The following RUNDC3B variants were observed in gnomAD, a reference collection of about 807,000 sequenced individuals.
RUNDC3B encodes RUN domain-containing protein 3B.
Under a neutral mutation model 58.4 loss-of-function variants are expected in RUNDC3B, and 33 were observed. That is an observed-to-expected ratio of 0.56 (90% CI 0.43 to 0.75). RUNDC3B has a LOEUF of 0.75. Ranked by LOEUF, RUNDC3B falls within the 30% of genes least tolerant of loss-of-function variation. The probability of loss-of-function intolerance (pLI) is 0.00; values close to 1 mark genes in which losing one functional copy is unlikely to be tolerated. For missense variants in RUNDC3B, 501 were observed against 535.7 expected, an observed-to-expected ratio of 0.94 and a Z score of 0.64; for synonymous variants, 193 against 195.2, an observed-to-expected ratio of 0.99 and a Z score of 0.10.
intron 4 of RUNDC3B, among the ~76,000 whole-genome samples, chr7:87,730,586 G>T (rs1831519180): frequency 6.6e-6 from 1 of 151,984 alleles, no homozygotes; most frequent in African/African-American, 2.4e-5. Context: ...CTTTCACGAG[G>T]TTCTGTCTAT....
At chr7:87,685,390 C>T (rs1247576970) in intron 2 of RUNDC3B, among the ~76,000 whole-genome samples, 2 of 152,114 alleles carry the variant, frequency 1.3e-5, no homozygotes, top group African/African-American at 4.8e-5. Flanking sequence ...TATTAGGTAG[C>T]ACTACACACC....
At chr7:87,768,352 G>A (rs1483860720) in intron 6 of RUNDC3B, among the ~76,000 whole-genome samples, 1 of 152,208 alleles carries the variant, frequency 6.6e-6, no homozygotes, top group Non-Finnish European at 1.5e-5. Flanking sequence ...GGATCCTGCA[G>A]CTCCCCAGGG....
intron 4 of RUNDC3B, among the ~76,000 whole-genome samples, chr7:87,722,800 A>G (rs1403857291): frequency 3.3e-5 from 5 of 152,212 alleles, no homozygotes. Context: ...CTCTTTGCTT[A>G]TTGAACTAGT....
At position 87,808,781 on chromosome 7, in the gene RUNDC3B, G is replaced by A. The variant is rs142333799; in HGVS notation, c.1103+1262G>A. 7.8e-3 allele frequency among the ~76,000 whole-genome samples: 1,178 copies of A among 151,962 alleles called. 13 individuals carry two copies. The highest frequency in any genetic ancestry group is 9.7e-3 in the Non-Finnish European group (656 of 67,874). ...GGTATATAATCTTACCTTCCTGTGGGTTTAATTAATGAAGAATTTATTTTA... is the reference window on the plus strand; with the variant it reads ...GGTATATAATCTTACCTTCCTGTGGATTTAATTAATGAAGAATTTATTTTA... On this transcript the variant is annotated intron_variant, in intron 9 of 10. Coordinates refer to ENST00000394654, the MANE Select transcript of RUNDC3B (RefSeq NM_001134405.2).
intron 2 of RUNDC3B, among the ~76,000 whole-genome samples, chr7:87,672,139 C>T (rs903660471): frequency 6.6e-6 from 1 of 152,272 alleles, no homozygotes; most frequent in Non-Finnish European, 1.5e-5. Context: ...GGAGCATCAT[C>T]CCAGGGAGAA....
At chr7:87,780,615 A>G (rs1433244580) in intron 8 of RUNDC3B, among the ~76,000 whole-genome samples, 2 of 152,088 alleles carry the variant, frequency 1.3e-5, no homozygotes, top group Non-Finnish European at 2.9e-5. Flanking sequence ...ATTAGGTCCC[A>G]CTTGTCAATT....
intron 8 of RUNDC3B, among the ~76,000 whole-genome samples, chr7:87,800,318 G>A (rs1311727634): frequency 6.6e-6 from 1 of 152,168 alleles, no homozygotes; most frequent in Non-Finnish European, 1.5e-5. Flanking sequence ...AATTGGCGAA[G>A]TATTACTATC....
At chr7:87,807,900 A>G (rs1836520571) in intron 9 of RUNDC3B, among the ~76,000 whole-genome samples, 1 of 152,154 alleles carries the variant, frequency 6.6e-6, no homozygotes, top group Admixed American at 6.6e-5. Flanking sequence ...GAAGAATTCT[A>G]TTCATTTTCA....
intron 3 of RUNDC3B, among the ~76,000 whole-genome samples, chr7:87,706,319 G>T (rs1374873780): frequency 6.6e-6 from 1 of 152,022 alleles, no homozygotes; most frequent in Non-Finnish European, 1.5e-5. Flanking sequence ...ACTGTAATCT[G>T]ATTTCCATTT....
intron 2 of RUNDC3B, among the ~76,000 whole-genome samples, chr7:87,683,510 G>T (rs1827141680): frequency 6.6e-6 from 1 of 152,146 alleles, no homozygotes; most frequent in African/African-American, 2.4e-5. Flanking sequence ...CCTAATTTCA[G>T]TATTGTTGTG....
intron 10 of RUNDC3B, among the ~76,000 whole-genome samples, chr7:87,827,523 G>T (rs1837883183): frequency 6.6e-6 from 1 of 151,582 alleles, no homozygotes; most frequent in South Asian, 2.1e-4. Context: ...CACAAAGCAG[G>T]GTAGCAACCC....
intron 4 of RUNDC3B, among the ~76,000 whole-genome samples, chr7:87,718,555 G>C (rs1830693152): frequency 6.6e-6 from 1 of 152,068 alleles, no homozygotes; most frequent in African/African-American, 2.4e-5. Context: ...AATCAGGTCT[G>C]CTATATGTTA....
At chr7:87,699,625 C>T (rs777556130) in intron 2 of RUNDC3B, among the ~76,000 whole-genome samples, 2 of 152,148 alleles carry the variant, frequency 1.3e-5, no homozygotes, top group East Asian at 3.9e-4. Flanking sequence ...AGGCTGGCCT[C>T]GAACTCCTGG....
At chr7:87,816,662 A>C (rs1305070027) in intron 10 of RUNDC3B, among the ~76,000 whole-genome samples, 2 of 152,108 alleles carry the variant, frequency 1.3e-5, no homozygotes, top group African/African-American at 4.8e-5. Context: ...TTCTTGAATC[A>C]CTCATGGTAC....
chr7:87,807,655 T>C, intron 9 of RUNDC3B, 136 bp downstream of exon 9: 1 of 668,884 alleles, frequency 1.5e-6, no homozygotes, highest in South Asian at 1.9e-5. Flanking sequence ...CGGACTACTT[T>C]GGTAAGGTTA....
intron 2 of RUNDC3B, among the ~76,000 whole-genome samples, chr7:87,667,712 C>G (rs920793462): frequency 2.0e-5 from 3 of 152,084 alleles, no homozygotes; most frequent in Non-Finnish European, 4.4e-5. Flanking sequence ...TGAATTTTAT[C>G]AAAGGCCTTT....
intron 8 of RUNDC3B, among the ~76,000 whole-genome samples, chr7:87,790,228 T>C (rs1009975260): frequency 1.3e-5 from 2 of 152,172 alleles, no homozygotes; most frequent in African/African-American, 4.8e-5. Context: ...AGGACAATAG[T>C]CTTTTCCTGG....
At chr7:87,659,725 G>A (rs1308649671) in intron 2 of RUNDC3B, among the ~76,000 whole-genome samples, 1 of 152,140 alleles carries the variant, frequency 6.6e-6, no homozygotes, top group Non-Finnish European at 1.5e-5. Context: ...TTACTGCTGT[G>A]TCATTCTCTG....
chr7:87,635,783 C>T (rs1821707636), intron 1 of RUNDC3B, among the ~76,000 whole-genome samples: 1 of 152,148 alleles, frequency 6.6e-6, no homozygotes, highest in East Asian at 1.9e-4. Context: ...AGTTAATACC[C>T]TGGTTTTTAA....
Sources: gnomAD v4.1 joint callset for allele counts (sites outside exome capture counted in the v4.1 genomes callset) on GRCh38, gnomAD v4.1.1 for gene constraint, MANE v1.5 for transcripts, NCBI Gene and HGNC (gene_info 2026-07-23, HGNC 2026-07-21) for gene names.